SCARA5: variants seen among roughly 807,000 people sequenced by gnomAD.
The protein encoded by SCARA5 is scavenger receptor class A, member 5 (putative).
Under a neutral mutation model 46.3 loss-of-function variants are expected in SCARA5, and 45 were observed. That is an observed-to-expected ratio of 0.97 (90% CI 0.76 to 1.24). The LOEUF is 1.24. Among genes scored for constraint, SCARA5 ranks in the 50% most tolerant of loss-of-function variants. The pLI is 0.00. For synonymous variants in SCARA5, 333 were observed against 306.5 expected, an observed-to-expected ratio of 1.09 and a Z score of -0.90; for missense variants, 680 against 689.0, an observed-to-expected ratio of 0.99 and a Z score of 0.15.
At chr8:27,911,756 C>T (rs892677265) in intron 4 of SCARA5, among the ~76,000 whole-genome samples, 2 of 152,126 alleles carry the variant, frequency 1.3e-5, no homozygotes, top group African/African-American at 4.8e-5. Flanking sequence ...TATAGTGTCC[C>T]TACCCCCTTA....
intron 7 of SCARA5, among the ~76,000 whole-genome samples, chr8:27,888,083 G>A (rs1220019453): frequency 6.6e-6 from 1 of 151,984 alleles, no homozygotes; most frequent in Admixed American, 6.6e-5. Context: ...TTGAGACAAG[G>A]TCTGGCTCTG....
At chr8:27,986,083 G>T (rs1473221427) in intron 2 of SCARA5, among the ~76,000 whole-genome samples, 1 of 151,978 alleles carries the variant, frequency 6.6e-6, no homozygotes, top group Non-Finnish European at 1.5e-5. Flanking sequence ...AGTCTTTCTT[G>T]CCAAACCAAG....
intron 6 of SCARA5, among the ~76,000 whole-genome samples, chr8:27,905,431 C>T (rs1807237202): frequency 6.6e-6 from 1 of 150,628 alleles, no homozygotes; most frequent in Admixed American, 6.7e-5. Flanking sequence ...CCCAGAAAGA[C>T]ATCTGCCAAT....
intron 2 of SCARA5, among the ~76,000 whole-genome samples, chr8:27,969,001 A>T (rs897923569): frequency 1.3e-5 from 2 of 152,190 alleles, no homozygotes; most frequent in Non-Finnish European, 2.9e-5. Flanking sequence ...GCATTAAACC[A>T]AGTATATTTT....
intron 2 of SCARA5, among the ~76,000 whole-genome samples, chr8:27,967,169 T>G (rs1808382483): frequency 6.6e-6 from 1 of 152,236 alleles, no homozygotes; most frequent in Non-Finnish European, 1.5e-5. Context: ...CTGACCAGCT[T>G]GCAACCTTGC....
chr8:27,897,158 G>GC (rs1301617272), intron 7 of SCARA5, among the ~76,000 whole-genome samples: 4 of 152,080 alleles, frequency 2.6e-5, no homozygotes, highest in African/African-American at 9.7e-5. Flanking sequence ...TAGATAGCTG[G>GC]CCCCAAACAC....
intron 3 of SCARA5, among the ~76,000 whole-genome samples, chr8:27,961,758 A>G (rs1308399462): frequency 6.6e-6 from 1 of 152,236 alleles, no homozygotes; most frequent in Non-Finnish European, 1.5e-5. Context: ...GCAGTATATA[A>G]CATGGTAGAT....
At chr8:27,911,561 G>C (rs2129778552) in intron 4 of SCARA5, among the ~76,000 whole-genome samples, 1 of 152,278 alleles carries the variant, frequency 6.6e-6, no homozygotes, top group East Asian at 1.9e-4. Context: ...GCATGGTGGT[G>C]GGCGCCTGTA....
intron 3 of SCARA5, among the ~76,000 whole-genome samples, chr8:27,927,266 A>C (rs932715725): frequency 4.6e-5 from 7 of 152,174 alleles, no homozygotes; most frequent in Admixed American, 1.3e-4. Context: ...CTCCCTGAGC[A>C]GGAAACTGGA....
In SCARA5 at chr8:27,888,744, G is replaced by A. The variant is rs1261348192; in HGVS notation, c.1154-8978C>T. Among the ~76,000 whole-genome samples the A allele has an allele frequency of 2.7e-5, 4 of 149,132 alleles. No homozygotes were observed. In the South Asian group the frequency reaches 8.3e-4, roughly 31 times the overall value. On this transcript the variant is annotated intron_variant, in intron 7 of 8. Coordinates refer to ENST00000354914, the MANE Select transcript of SCARA5 (RefSeq NM_173833.6). ...GCCCCATCAACACCCTGTGACCAAG[G>A]TTCTTCCCTTTGATACAGAGAAGCA...
At chr8:27,952,054 G>GTT in intron 3 of SCARA5, among the ~76,000 whole-genome samples, 1 of 4,588 alleles carries the variant, frequency 2.2e-4, no homozygotes, top group Non-Finnish European at 6.8e-4. Context: ...ATTGGGTTGG[G>GTT]GACCAATATG....
chr8:27,917,163 G>A (rs1222507548), intron 4 of SCARA5, among the ~76,000 whole-genome samples: 1 of 152,132 alleles, frequency 6.6e-6, no homozygotes, highest in Non-Finnish European at 1.5e-5. Flanking sequence ...ATTTTGTTAT[G>A]GCAGCCTGAA....
At chr8:27,902,120 G>A (rs1324348096) in intron 7 of SCARA5, among the ~76,000 whole-genome samples, 1 of 152,174 alleles carries the variant, frequency 6.6e-6, no homozygotes, top group Non-Finnish European at 1.5e-5. Flanking sequence ...TCTTGTCAGA[G>A]GGCAGGAAAG....
intron 2 of SCARA5, among the ~76,000 whole-genome samples, chr8:27,979,277 GGCAGGCCCAGGA>G (rs1273607715): frequency 3.9e-5 from 6 of 152,162 alleles, no homozygotes; most frequent in Non-Finnish European, 5.9e-5. Flanking sequence ...GAGCCCCAAG[GGCAGGCCCAGGA>G]GCAGAAGCAG....
chr8:27,942,370 C>T (rs1170668342), intron 3 of SCARA5, among the ~76,000 whole-genome samples: 1 of 152,208 alleles, frequency 6.6e-6, no homozygotes, highest in Non-Finnish European at 1.5e-5. Context: ...TTGCTTGATA[C>T]TTTCCAAAGA....
chr8:27,984,028 T>A (rs1808663070), intron 2 of SCARA5, among the ~76,000 whole-genome samples: 1 of 152,090 alleles, frequency 6.6e-6, no homozygotes, highest in South Asian at 2.1e-4. Flanking sequence ...AAATAAAGGC[T>A]CAAGGGCGGC....
intron 7 of SCARA5, among the ~76,000 whole-genome samples, chr8:27,889,218 G>T (rs1301570685): frequency 6.6e-6 from 1 of 152,192 alleles, no homozygotes; most frequent in Non-Finnish European, 1.5e-5. Flanking sequence ...GTCTGGACAA[G>T]GAATCTTAGC....
At chr8:27,925,433 A>G (rs1807664839) in intron 3 of SCARA5, among the ~76,000 whole-genome samples, 1 of 152,230 alleles carries the variant, frequency 6.6e-6, no homozygotes, top group Non-Finnish European at 1.5e-5. Flanking sequence ...CTGGCTAGCC[A>G]TATGTAGAAG....
chr8:27,924,569 G>A (rs374803876), intron 3 of SCARA5, among the ~76,000 whole-genome samples: 1 of 152,186 alleles, frequency 6.6e-6, no homozygotes, highest in South Asian at 2.1e-4. Context: ...TTGCAAAAGG[G>A]TCCTGGCACC....
Sources: gnomAD v4.1 joint callset for allele counts (sites outside exome capture counted in the v4.1 genomes callset) on GRCh38, gnomAD v4.1.1 for gene constraint, MANE v1.5 for transcripts, NCBI Gene and HGNC (gene_info 2026-07-23, HGNC 2026-07-21) for gene names.